NEBL: variants seen among roughly 807,000 people sequenced by gnomAD.
NEBL encodes nebulette.
Under a neutral mutation model 140.2 loss-of-function variants are expected in NEBL, and 122 were observed. The observed-to-expected ratio is 0.87, with a 90% CI of 0.75 to 1.01. The LOEUF (loss-of-function observed/expected upper bound fraction) is 1.01. NEBL is among the 50% of genes least tolerant of loss of function. The probability of loss-of-function intolerance (pLI) is 0.00; values close to 1 mark genes in which losing one functional copy is unlikely to be tolerated. For synonymous variants in NEBL, 436 were observed against 398.9 expected, an observed-to-expected ratio of 1.09 and a Z score of -1.11; for missense variants, 1,365 against 1,231.3, an observed-to-expected ratio of 1.11 and a Z score of -1.62.
intron 2 of NEBL, among the ~76,000 whole-genome samples, chr10:21,033,333 G>T (rs1428198659): frequency 6.6e-6 from 1 of 152,092 alleles, no homozygotes; most frequent in Non-Finnish European, 1.5e-5. Context: ...TAATAAATAA[G>T]TATCATACCT....
intron 4 of NEBL, among the ~76,000 whole-genome samples, chr10:20,953,266 C>T (rs908261935): frequency 4.6e-5 from 7 of 152,148 alleles, no homozygotes; most frequent in African/African-American, 1.7e-4. Context: ...GAGGAGGAGA[C>T]ACAGAGATCT....
chr10:20,917,758 G>C (rs538657197), intron 4 of NEBL, among the ~76,000 whole-genome samples: 2 of 152,124 alleles, frequency 1.3e-5, no homozygotes, highest in Non-Finnish European at 2.9e-5. Flanking sequence ...GTCTCATGGT[G>C]ACCTTGTCCA....
Position 20,897,304 on chromosome 10 carries a change from G to A in NEBL, c.-99C>T. 6.6e-7 allele frequency: 1 copy of A among 1,507,332 alleles called. No individual in the cohort carries two copies. The highest frequency in any genetic ancestry group is 2.2e-5 in the Admixed American group (1 of 44,956). The allele number at this position is 1,507,332 out of a possible 1,614,324, so 93.4% of individuals were successfully genotyped here. ...AGATGCTGACGTCTCTGGTGCTCTG[G>A]CAGAAATGCCCTTGCCCAAGCCTCA... On this transcript the variant is annotated 5_prime_UTR_variant, in exon 1 of 28. Transcript: ENST00000377122.
intron 27 of NEBL, 58 bp from the exon 28 acceptor site, chr10:20,785,981 C>G: frequency 6.6e-7 from 1 of 1,509,692 alleles, no homozygotes; most frequent in Non-Finnish European, 9.2e-7. Flanking sequence ...GCCACAAATT[C>G]CAATCACAAC....
intron 3 of NEBL, among the ~76,000 whole-genome samples, chr10:21,183,245 T>C (rs1254521146): frequency 6.6e-6 from 1 of 151,526 alleles, no homozygotes. Flanking sequence ...TGAGTCACCA[T>C]GAGAGAGAGA....
chr10:20,999,251 A>T (rs1054829537), intron 3 of NEBL, among the ~76,000 whole-genome samples: 2 of 151,894 alleles, frequency 1.3e-5, no homozygotes, highest in African/African-American at 4.8e-5. Flanking sequence ...TTGATTGCCC[A>T]ATTATGTGTG....
chr10:20,996,458 T>C (rs1837668261), intron 3 of NEBL, among the ~76,000 whole-genome samples: 1 of 152,180 alleles, frequency 6.6e-6, no homozygotes, highest in Non-Finnish European at 1.5e-5. Context: ...TGCCAAGGAT[T>C]GTCCTAGGTC....
chr10:20,814,332 G>C (rs1256299073), intron 22 of NEBL, among the ~76,000 whole-genome samples: 1 of 151,728 alleles, frequency 6.6e-6, no homozygotes, highest in South Asian at 2.1e-4. Flanking sequence ...CCGAGGACTC[G>C]TATCTGTAAT....
At chr10:21,233,332 G>A (rs1446577052) in intron 3 of NEBL, among the ~76,000 whole-genome samples, 1 of 152,124 alleles carries the variant, frequency 6.6e-6, no homozygotes, top group Non-Finnish European at 1.5e-5. Context: ...ACAGGCATGA[G>A]CCACTGCACC....
At chr10:21,219,299 G>A (rs951978613) in intron 3 of NEBL, among the ~76,000 whole-genome samples, 1 of 152,174 alleles carries the variant, frequency 6.6e-6, no homozygotes, top group Admixed American at 6.5e-5. Context: ...TTACAAAGTA[G>A]TCAGGACTGA....
chr10:20,829,329 T>C (rs917791034), intron 16 of NEBL, among the ~76,000 whole-genome samples: 3 of 150,732 alleles, frequency 2.0e-5, no homozygotes, highest in African/African-American at 4.9e-5. Context: ...AGTAAACTAT[T>C]GCAAGAACAA....
At chr10:21,025,482 AT>A (rs542443614) in intron 2 of NEBL, among the ~76,000 whole-genome samples, 2 of 152,266 alleles carry the variant, frequency 1.3e-5, no homozygotes, top group East Asian at 1.9e-4. Flanking sequence ...ATGACTTCAA[AT>A]TTTTTTTCTC....
chr10:20,889,574 T>C (rs1031977092), intron 3 of NEBL, among the ~76,000 whole-genome samples: 2 of 152,164 alleles, frequency 1.3e-5, no homozygotes, highest in Admixed American at 1.3e-4. Flanking sequence ...AATAAAAAGA[T>C]GCCTTTTCAA....
chr10:21,068,649 G>A (rs1053692290), intron 2 of NEBL, among the ~76,000 whole-genome samples: 1 of 152,194 alleles, frequency 6.6e-6, no homozygotes, highest in Non-Finnish European at 1.5e-5. Flanking sequence ...TCAGCTGTCA[G>A]CTACTAAGCC....
intron 4 of NEBL, among the ~76,000 whole-genome samples, chr10:20,950,323 C>T (rs1327642495): frequency 1.3e-5 from 2 of 152,136 alleles, no homozygotes. Flanking sequence ...TTATAGATGC[C>T]CAAATTATGC....
intron 2 of NEBL, among the ~76,000 whole-genome samples, chr10:21,167,470 T>C (rs772325438): frequency 2.0e-5 from 3 of 152,256 alleles, no homozygotes; most frequent in Non-Finnish European, 4.4e-5. Flanking sequence ...GGCAAGGTCA[T>C]GTTAAACTAT....
At chr10:20,912,005 A>G (rs1848351005) in intron 4 of NEBL, among the ~76,000 whole-genome samples, 1 of 152,208 alleles carries the variant, frequency 6.6e-6, no homozygotes, top group South Asian at 2.1e-4. Flanking sequence ...GAAATAAATT[A>G]TTATCTTAAA....
At chr10:20,924,499 G>A (rs911451050) in intron 4 of NEBL, among the ~76,000 whole-genome samples, 2 of 135,410 alleles carry the variant, frequency 1.5e-5, no homozygotes, top group Admixed American at 8.0e-5. Context: ...GGAAGAGAAA[G>A]TGCAATACAG....
rs528136414 is a variant in NEBL, at chr10:20,879,621, G to T, written c.480+1173C>A. Among the ~76,000 whole-genome samples, 72 of 152,272 alleles carry T rather than the reference G, an allele frequency of 4.7e-4. 1 individual carries two copies. The highest frequency in any genetic ancestry group is 1.7e-3 in the African/African-American group (70 of 41,544). On this transcript the variant is annotated intron_variant, in intron 5 of 27. Transcript: ENST00000377122. Reference sequence around the variant, plus strand: ...CACAGTGGGACTATGGGGGCACATGGTCAGCCAAGCACCATTCCATAAAGG... The same window carrying T: ...CACAGTGGGACTATGGGGGCACATGTTCAGCCAAGCACCATTCCATAAAGG...
Sources: gnomAD v4.1 joint callset for allele counts (sites outside exome capture counted in the v4.1 genomes callset) on GRCh38, gnomAD v4.1.1 for gene constraint, MANE v1.5 for transcripts, NCBI Gene and HGNC (gene_info 2026-07-23, HGNC 2026-07-21) for gene names.